The following CPEB3 variants were observed in gnomAD, a reference collection of about 807,000 sequenced individuals.
CPEB3 encodes cytoplasmic polyadenylation element-binding protein 3.
A neutral mutation model predicts 67.2 loss-of-function variants in CPEB3; 20 were observed. The ratio of observed to expected loss-of-function variants is 0.30; its 90% confidence interval spans 0.21 to 0.43. The LOEUF (loss-of-function observed/expected upper bound fraction) is 0.43. Ranked by LOEUF, CPEB3 falls within the 20% of genes least tolerant of loss-of-function variation. The probability of loss-of-function intolerance (pLI) is 1.00; values close to 1 mark genes in which losing one functional copy is unlikely to be tolerated. For missense variants in CPEB3, 746 were observed against 968.6 expected, an observed-to-expected ratio of 0.77 and a Z score of 3.05; for synonymous variants, 376 against 393.1, an observed-to-expected ratio of 0.96 and a Z score of 0.51.
chr10:92,236,746 TCACACA>T (rs3047561), intron 2 of CPEB3, among the ~76,000 whole-genome samples: 1 of 150,632 alleles, frequency 6.6e-6, no homozygotes, highest in South Asian at 2.1e-4. Flanking sequence ...TGAAACATTG[TCACACA>T]CACACACACA....
At chr10:92,236,806 G>A (rs1851559589) in intron 2 of CPEB3, among the ~76,000 whole-genome samples, 1 of 152,136 alleles carries the variant, frequency 6.6e-6, no homozygotes, top group South Asian at 2.1e-4. Flanking sequence ...AGCCATGTAA[G>A]TAAAGCTACT....
chr10:92,237,828 T>C (rs116485088), intron 2 of CPEB3, among the ~76,000 whole-genome samples: 1,860 of 152,204 alleles, frequency 0.012, 26 homozygotes, highest in African/African-American at 0.042. Flanking sequence ...CCTTGCAACA[T>C]CTCATTTTAT....
chr10:92,261,537 T>C (rs919277642), intron 1 of CPEB3, among the ~76,000 whole-genome samples: 3 of 152,286 alleles, frequency 2.0e-5, no homozygotes, highest in African/African-American at 7.2e-5. Context: ...AACCTCTACC[T>C]CCTGGGTTCA....
At chr10:92,096,999 C>T (rs1371848802) in intron 7 of CPEB3, among the ~76,000 whole-genome samples, 1 of 152,130 alleles carries the variant, frequency 6.6e-6, no homozygotes, top group African/African-American at 2.4e-5. Context: ...GAAGCACCAG[C>T]TTTTGGGCCA....
At chr10:92,068,947 A>G (rs1218437463) in intron 9 of CPEB3, among the ~76,000 whole-genome samples, 1 of 152,228 alleles carries the variant, frequency 6.6e-6, no homozygotes, top group African/African-American at 2.4e-5. Context: ...CAAGTCAAAC[A>G]TAGCTATAGA....
At chr10:92,131,184 G>A (rs1845827428) in intron 6 of CPEB3, among the ~76,000 whole-genome samples, 1 of 152,150 alleles carries the variant, frequency 6.6e-6, no homozygotes, top group East Asian at 1.9e-4. Context: ...CTGAGGACCA[G>A]AATCAGGAGA....
intron 7 of CPEB3, among the ~76,000 whole-genome samples, chr10:92,108,830 A>G (rs185350423): frequency 4.0e-5 from 6 of 151,802 alleles, no homozygotes; most frequent in Non-Finnish European, 8.8e-5. Context: ...CAATCCAAGG[A>G]TAATACATGT....
intron 9 of CPEB3, among the ~76,000 whole-genome samples, chr10:92,065,864 C>A (rs1457859815): frequency 6.6e-6 from 1 of 151,734 alleles, no homozygotes; most frequent in Admixed American, 6.6e-5. Flanking sequence ...GAGGCTGAGG[C>A]GCAGAGATCA....
intron 6 of CPEB3, among the ~76,000 whole-genome samples, chr10:92,139,289 TAAAA>T (rs3048542): frequency 2.8e-5 from 2 of 71,164 alleles, no homozygotes; most frequent in Non-Finnish European, 3.6e-5. Flanking sequence ...CACACACACA[TAAAA>T]AAAAAAAAAA....
At chr10:92,254,643 C>A (rs1044630510) in intron 1 of CPEB3, among the ~76,000 whole-genome samples, 4 of 151,960 alleles carry the variant, frequency 2.6e-5, no homozygotes, top group Non-Finnish European at 4.4e-5. Context: ...TTTTTATAGA[C>A]CTTGTCTCTA....
chr10:92,213,789 A>T (rs1311384401), intron 2 of CPEB3, among the ~76,000 whole-genome samples: 1 of 152,182 alleles, frequency 6.6e-6, no homozygotes, highest in Non-Finnish European at 1.5e-5. Context: ...CAACTAGGGT[A>T]AATCTCCTAG....
At chr10:92,176,722 G>T (rs1848235584) in intron 4 of CPEB3, among the ~76,000 whole-genome samples, 1 of 152,204 alleles carries the variant, frequency 6.6e-6, no homozygotes, top group African/African-American at 2.4e-5. Flanking sequence ...CATAAATTTG[G>T]TTTATGTGAT....
At position 92,051,704 on chromosome 10, in the gene CPEB3, G is replaced by A. The variant is rs1003246378; in HGVS notation, c.*508C>T. The A allele has an allele frequency of 2.0e-5, 3 of 152,860 alleles. No homozygotes were observed. The highest frequency in any genetic ancestry group is 1.9e-4 in the East Asian group (1 of 5,182). The allele number at this position is 152,860 out of a possible 1,614,324, so 9.5% of individuals were successfully genotyped here. On this transcript the variant is annotated 3_prime_UTR_variant, in exon 10 of 10. Transcript: ENST00000265997. Reference sequence around the variant, plus strand: ...GGGTTATCCTTACTCTAAGTGACCCGAGCTAATGATTGCTGAATTGTTGTG... The same window carrying A: ...GGGTTATCCTTACTCTAAGTGACCCAAGCTAATGATTGCTGAATTGTTGTG...
chr10:92,232,571 A>C lies in CPEB3; in HGVS notation c.1005+6775T>G, dbSNP rs999481849. On this transcript the variant is annotated intron_variant, in intron 2 of 9. Coordinates refer to ENST00000265997, the MANE Select transcript of CPEB3 (RefSeq NM_014912.5). ...CAGGAGTTCAGGACCAGCCTGGCCAACATAGTGAAACCCCGTCTCTACCAA... is the reference window on the plus strand; with the variant it reads ...CAGGAGTTCAGGACCAGCCTGGCCACCATAGTGAAACCCCGTCTCTACCAA... Among the ~76,000 whole-genome samples the C allele has an allele frequency of 7.2e-5, 11 of 151,826 alleles. 1 individual carries two copies. The highest frequency in any genetic ancestry group is 3.3e-4 in the Admixed American group (5 of 15,252).
At position 92,145,064 on chromosome 10, in the gene CPEB3, T is replaced by C. The variant is rs1206850271; in HGVS notation, c.1244A>G (p.His415Arg). The C allele has an allele frequency of 2.5e-6, 4 of 1,614,122 alleles. No individual in the cohort carries two copies. Among genetic ancestry groups the C allele is most frequent in the South Asian group, 1.1e-5 (1 of 91,078 alleles). The part of the protein sequence containing the change: ...ALNNAFLDDS[H>R]GDQALSSGLS... ...GCCAGATGACAAGGCTTGATCACCA[T>C]GGCTATCATCCAGGAAGGCATCTTC... Residue 415 changes from histidine to arginine, a missense_variant, in exon 5 of 10, where the codon CAT (histidine) becomes CGT (arginine). His to Arg is a conservative substitution (Grantham distance 29, BLOSUM62 0). Coordinates refer to ENST00000265997, the MANE Select transcript of CPEB3 (RefSeq NM_014912.5).
intron 6 of CPEB3, chr10:92,137,658 C>G (rs1384413666): frequency 3.6e-6 from 2 of 551,796 alleles, no homozygotes; most frequent in Non-Finnish European, 6.5e-6. Context: ...TGTATGAAAC[C>G]CTGATTGTCA....
intron 6 of CPEB3, among the ~76,000 whole-genome samples, chr10:92,127,554 C>G (rs953283075): frequency 5.9e-5 from 9 of 152,114 alleles, no homozygotes; most frequent in African/African-American, 2.2e-4. Flanking sequence ...TAGCACACAG[C>G]TGTAATCCCA....
rs1268908382 is a variant in CPEB3, at chr10:92,051,410, C to T, written c.*802G>A. The T allele has an allele frequency of 1.3e-5, 2 of 152,592 alleles. No individual in the cohort carries two copies. The highest frequency in any genetic ancestry group is 2.9e-5 in the Non-Finnish European group (2 of 68,034). The allele number at this position is 152,592 out of a possible 1,614,324, so 9.5% of individuals were successfully genotyped here. ...GAAGTCTATTCTGATCTCCGTTCGG[C>T]AGCTGACTCTATCCCTAAAATCACA... On this transcript the variant is annotated 3_prime_UTR_variant, in exon 10 of 10. Transcript: ENST00000265997.
intron 6 of CPEB3, among the ~76,000 whole-genome samples, chr10:92,128,846 G>A (rs1845714428): frequency 6.6e-6 from 1 of 152,084 alleles, no homozygotes; most frequent in Non-Finnish European, 1.5e-5. Flanking sequence ...AAAATAACAG[G>A]TGCTGGTGAG....
Sources: gnomAD v4.1 joint callset for allele counts (sites outside exome capture counted in the v4.1 genomes callset) on GRCh38, gnomAD v4.1.1 for gene constraint, MANE v1.5 for transcripts, NCBI Gene and HGNC (gene_info 2026-07-23, HGNC 2026-07-21) for gene names.